Variants in RNF212B observed in about 807,000 individuals in gnomAD.
RNF212B encodes E3 ubiquitin-protein ligase RNF212B.
In RNF212B, 52 loss-of-function variants were observed where a neutral mutation model predicts 55.5. That is an observed-to-expected ratio of 0.94 (90% CI 0.75 to 1.18). The LOEUF (loss-of-function observed/expected upper bound fraction) is 1.18, where lower values mean the gene tolerates loss of function less well. Ranked by LOEUF, RNF212B falls within the 50% of genes most tolerant of loss-of-function variation. The pLI is 0.00. For synonymous variants in RNF212B, 99 were observed against 121.4 expected (o/e 0.82, Z 1.21); for missense variants, 289 against 350.4 (o/e 0.82, Z 1.40).
At chr14:23,243,977 C>T (rs759286170) in intron 3 of RNF212B, among the ~76,000 whole-genome samples, 17 of 151,918 alleles carry the variant, frequency 1.1e-4, no homozygotes, top group Non-Finnish European at 1.0e-4. Context: ...ACTCAGGAGG[C>T]TGAGGCAGAA....
intron 2 of RNF212B, among the ~76,000 whole-genome samples, chr14:23,241,458 T>G (rs1280467289): frequency 6.6e-6 from 1 of 152,040 alleles, no homozygotes; most frequent in Admixed American, 6.6e-5. Context: ...TAGTCTCACT[T>G]CGTCACCCAG....
upstream of RNF212B, among the ~76,000 whole-genome samples, chr14:23,236,549 A>G (rs1409825676): frequency 6.6e-6 from 1 of 152,184 alleles, no homozygotes; most frequent in Non-Finnish European, 1.5e-5. Flanking sequence ...AAAGCAAAAA[A>G]ACCCCAAACA....
intron 1 of RNF212B, among the ~76,000 whole-genome samples, chr14:23,191,687 G>C (rs1015138874): frequency 2.0e-5 from 3 of 152,084 alleles, no homozygotes; most frequent in Non-Finnish European, 4.4e-5. Flanking sequence ...AGTTTATATT[G>C]TTTAAGTGGG....
At position 23,226,570 on chromosome 14, in the gene RNF212B, G is replaced by T. The variant is rs189881835; in HGVS notation, c.-1-13775G>T. 6.3e-3 allele frequency among the ~76,000 whole-genome samples: 964 copies of T among 152,104 alleles called. 11 individuals are homozygous for T. The highest frequency in any genetic ancestry group is 0.022 in the African/African-American group (904 of 41,528). The stretch of plus-strand genomic sequence containing the variant: ...GGGGTGAACCCGGGAGGCGGAGCTT[G>T]CAGTGAGCCGAGATCGCGCCACCAC... On this transcript the variant is annotated intron_variant, in intron 2 of 15. Transcript: ENST00000399910.
At chr14:23,260,520 C>T (rs1052659458) in intron 6 of RNF212B, 139 bp from the exon 7 acceptor site, 3 of 730,648 alleles carry the variant, frequency 4.1e-6, no homozygotes, top group Non-Finnish European at 7.1e-6. Flanking sequence ...AATACTGCTG[C>T]TACTTTTCCT....
chr14:23,201,870 T>C (rs1160581779), intron 2 of RNF212B, among the ~76,000 whole-genome samples: 1 of 152,220 alleles, frequency 6.6e-6, no homozygotes, highest in African/African-American at 2.4e-5. Context: ...CACTTGCTTT[T>C]CCAAATTTTG....
chr14:23,235,821 T>G (rs565010299), upstream of RNF212B, among the ~76,000 whole-genome samples: 1 of 152,344 alleles, frequency 6.6e-6, no homozygotes, highest in East Asian at 1.9e-4. Flanking sequence ...TACAAAATCG[T>G]GCATGGGCAA....
chr14:23,198,128 G>A lies in RNF212B; in HGVS notation c.-2+4727G>A, dbSNP rs151302687. Among the ~76,000 whole-genome samples, 1,006 of 152,244 alleles carry A rather than the reference G, an allele frequency of 6.6e-3. 9 individuals carry two copies. Among genetic ancestry groups the A allele is most frequent in the African/African-American group, 0.022 (924 of 41,542 alleles). On this transcript the variant is annotated intron_variant, in intron 2 of 15. Transcript: ENST00000399910. ...TGTACGTGCAAGTCACAGGGGATGC[G>A]ATGGCCTGGCCTGGGCTCAGAGGCC...
chr14:23,224,904 T>C (rs555749806), intron 2 of RNF212B, among the ~76,000 whole-genome samples: 3 of 152,086 alleles, frequency 2.0e-5, no homozygotes, highest in African/African-American at 2.4e-5. Context: ...AACAACTCTA[T>C]GGGAAAAAAT....
At chr14:23,219,597 A>G in intron 2 of RNF212B, among the ~76,000 whole-genome samples, 1 of 151,284 alleles carries the variant, frequency 6.6e-6, no homozygotes, top group Non-Finnish European at 1.5e-5. Flanking sequence ...TTAGCCTCCC[A>G]AGTAGCTGGA....
chr14:23,216,963 A>C (rs938429655), intron 2 of RNF212B, among the ~76,000 whole-genome samples: 17 of 151,444 alleles, frequency 1.1e-4, no homozygotes, highest in Non-Finnish European at 1.3e-4. Flanking sequence ...TTAAATGATA[A>C]AATTATAGAA....
At chr14:23,255,495 CAA>C (rs1407058622) in intron 4 of RNF212B, among the ~76,000 whole-genome samples, 2 of 152,100 alleles carry the variant, frequency 1.3e-5, no homozygotes, top group African/African-American at 4.8e-5. Flanking sequence ...ATAAAACAAA[CAA>C]TATTTAACAC....
intron 2 of RNF212B, among the ~76,000 whole-genome samples, chr14:23,202,252 A>T (rs1212936385): frequency 5.4e-3 from 1 of 186 alleles, no homozygotes; most frequent in Non-Finnish European, 0.014. Context: ...CCCTGTCTTA[A>T]AAAAAAAAAA....
chr14:23,270,365 C>T (rs181280049), intron 13 of RNF212B, among the ~76,000 whole-genome samples: 1 of 152,312 alleles, frequency 6.6e-6, no homozygotes, highest in Admixed American at 6.5e-5. Context: ...CATAGCTCAC[C>T]TAAATATTTA....
intron 2 of RNF212B, among the ~76,000 whole-genome samples, chr14:23,230,585 C>T (rs867743937): frequency 4.7e-5 from 6 of 128,020 alleles, no homozygotes; most frequent in South Asian, 2.7e-4. Flanking sequence ...ACCCGGGAGG[C>T]GGAGCTTGCA....
intron 2 of RNF212B, among the ~76,000 whole-genome samples, chr14:23,202,900 T>C (rs1879454100): frequency 1.3e-5 from 2 of 152,138 alleles, no homozygotes; most frequent in Middle Eastern, 6.8e-3. Flanking sequence ...TTAACAGGAC[T>C]TGGTGTCCAT....
chr14:23,240,034 C>CAA (rs5807213), intron 1 of RNF212B, among the ~76,000 whole-genome samples: 18,473 of 138,124 alleles, frequency 0.13, 1,220 homozygotes, highest in East Asian at 0.18. Flanking sequence ...CCTCACCACT[C>CAA]AAAAAAAAAA....
At chr14:23,214,009 G>A (rs2140395730) in intron 2 of RNF212B, among the ~76,000 whole-genome samples, 1 of 152,276 alleles carries the variant, frequency 6.6e-6, no homozygotes, top group African/African-American at 2.4e-5. Context: ...TGTAGTCCTA[G>A]CTGCTTGAGA....
At chr14:23,228,330 A>G (rs1468862813) in intron 2 of RNF212B, among the ~76,000 whole-genome samples, 1 of 151,710 alleles carries the variant, frequency 6.6e-6, no homozygotes, top group Non-Finnish European at 1.5e-5. Flanking sequence ...GCAACTCTGC[A>G]AAAGAACAGG....
Sources: allele counts gnomAD v4.1 joint callset (sites outside exome capture counted in the v4.1 genomes callset), GRCh38; gene constraint gnomAD v4.1.1; transcripts MANE v1.5; gene names NCBI Gene and HGNC (gene_info 2026-07-23, HGNC 2026-07-21).